The following PLEKHG7 variants were observed in gnomAD, a reference collection of about 807,000 sequenced individuals.
PLEKHG7 encodes the protein pleckstrin homology domain-containing family G member 7.
In PLEKHG7, 77 loss-of-function variants were observed where a neutral mutation model predicts 85.2. The ratio of observed to expected loss-of-function variants is 0.90; its 90% CI spans 0.75 to 1.09. The LOEUF is 1.09. Ranked by LOEUF, PLEKHG7 falls within the 50% of genes least tolerant of loss-of-function variation. The pLI is 0.00. For synonymous variants in PLEKHG7, 301 were observed against 302.4 expected (o/e 1.00, Z 0.05); for missense variants, 777 against 804.3 (o/e 0.97, Z 0.41).
At chr12:92,747,276 A>G (rs2136612420) in intron 10 of PLEKHG7, among the ~76,000 whole-genome samples, 1 of 151,142 alleles carries the variant, frequency 6.6e-6, no homozygotes, top group East Asian at 1.9e-4. Context: ...AAAAAATCTC[A>G]ACATCACTAA....
chr12:92,762,823 T>G (rs967212749), intron 14 of PLEKHG7, among the ~76,000 whole-genome samples: 1 of 152,198 alleles, frequency 6.6e-6, no homozygotes, highest in Non-Finnish European at 1.5e-5. Context: ...CTACATGGCA[T>G]GTTGGTTAGT....
At chr12:92,723,951 T>C (rs1871720659) in intron 3 of PLEKHG7, among the ~76,000 whole-genome samples, 1 of 152,202 alleles carries the variant, frequency 6.6e-6, no homozygotes, top group Non-Finnish European at 1.5e-5. Context: ...AAGCTCACAA[T>C]AGTCCATTTT....
intron 13 of PLEKHG7, among the ~76,000 whole-genome samples, chr12:92,759,329 G>A (rs996824795): frequency 2.6e-5 from 4 of 152,146 alleles, no homozygotes; most frequent in Non-Finnish European, 5.9e-5. Flanking sequence ...AAATAAAATA[G>A]TTGAAATTAG....
At chr12:92,717,505 A>C (rs1592674048) in intron 3 of PLEKHG7, among the ~76,000 whole-genome samples, 1 of 152,234 alleles carries the variant, frequency 6.6e-6, no homozygotes, top group Non-Finnish European at 1.5e-5. Flanking sequence ...TTTAATCCAC[A>C]AAGTGGAGAC....
At chr12:92,730,387 C>T (rs940329434) in intron 4 of PLEKHG7, among the ~76,000 whole-genome samples, 5 of 152,158 alleles carry the variant, frequency 3.3e-5, no homozygotes, top group South Asian at 2.1e-4. Context: ...AAGGCTGTCC[C>T]GAACTAGCAG....
Position 92,761,630 on chromosome 12 carries a change from GAAAGAAAGAAAGA to G in PLEKHG7, c.1637-119_1637-107del, listed in dbSNP as rs1428722761. On this transcript the variant is annotated intron_variant, in intron 13 of 16. Coordinates refer to ENST00000344636, the MANE Select transcript of PLEKHG7 (RefSeq NM_001377329.1). ...GAAAAAGAAAGAAAGAAAGAAGAAA[GAAAGAAAGAAAGA>G]AAGAAAGAAAGAAAGAAAGAAAGAA... 4.2e-3 allele frequency: 574 copies of G among 135,248 alleles called. 5 individuals carry two copies. In the African/African-American group the frequency reaches 0.049, roughly 11 times the overall value. 8.4% of individuals were successfully genotyped at this position (135,248 alleles called of 1,614,324 possible).
chr12:92,728,547 ATATACAC>A lies in PLEKHG7; in HGVS notation c.531-445_531-439del, dbSNP rs1191492799. Among the ~76,000 whole-genome samples, 783 of 149,896 alleles carry A rather than the reference ATATACAC, an allele frequency of 5.2e-3. 13 individuals carry two copies. Among genetic ancestry groups the A allele is most frequent in the African/African-American group, 0.018 (723 of 40,830 alleles). On this transcript the variant is annotated intron_variant, in intron 3 of 16. Transcript: ENST00000344636. Reference sequence around the variant, plus strand: ...TCCCATGGTGTATATATAAATATATATATACACCACATTCCATGGTGTGTGTATGTGT... The same window carrying A: ...TCCCATGGTGTATATATAAATATATACACATTCCATGGTGTGTGTATGTGT...
chr12:92,768,035 G>A (rs1193238960), intron 15 of PLEKHG7, among the ~76,000 whole-genome samples: 2 of 151,820 alleles, frequency 1.3e-5, no homozygotes, highest in African/African-American at 2.4e-5. Context: ...TGAAACCCCC[G>A]TCTCGACTAA....
At chr12:92,727,026 T>C (rs978685344) in intron 3 of PLEKHG7, among the ~76,000 whole-genome samples, 1 of 152,178 alleles carries the variant, frequency 6.6e-6, no homozygotes, top group Admixed American at 6.5e-5. Flanking sequence ...TGCATTTGCG[T>C]TGACATGTCT....
At chr12:92,732,444 G>A (rs1419736098) in intron 5 of PLEKHG7, among the ~76,000 whole-genome samples, 171 bp downstream of exon 5, 1 of 152,200 alleles carries the variant, frequency 6.6e-6, no homozygotes, top group African/African-American at 2.4e-5. Context: ...AACATGCCAA[G>A]TGGTGCCAAT....
chr12:92,757,327 T>A (rs1419636240), intron 13 of PLEKHG7, among the ~76,000 whole-genome samples: 3 of 152,236 alleles, frequency 2.0e-5, no homozygotes, highest in African/African-American at 7.2e-5. Flanking sequence ...AATAAGGTTT[T>A]AAATCATTTA....
At chr12:92,755,779 A>G (rs1371174990) in intron 11 of PLEKHG7, 46 bp from the exon 12 acceptor site, 3 of 1,246,326 alleles carry the variant, frequency 2.4e-6, no homozygotes, top group East Asian at 2.3e-5. Flanking sequence ...TTATACTGCA[A>G]TGTCATATGC....
chr12:92,749,903 TTTCA>T (rs1334096696), intron 10 of PLEKHG7, among the ~76,000 whole-genome samples: 14 of 132,412 alleles, frequency 1.1e-4, no homozygotes, highest in African/African-American at 4.0e-4. Flanking sequence ...TTTTATTTTA[TTTCA>T]TTTATTTTAT....
chr12:92,719,109 A>G (rs1207930830), intron 3 of PLEKHG7, among the ~76,000 whole-genome samples: 1 of 152,214 alleles, frequency 6.6e-6, no homozygotes. Context: ...TTGAATTGGA[A>G]ACCATAGTCG....
intron 9 of PLEKHG7, among the ~76,000 whole-genome samples, chr12:92,742,719 G>T (rs1260448658): frequency 1.3e-5 from 2 of 151,776 alleles, no homozygotes; most frequent in African/African-American, 4.8e-5. Flanking sequence ...CCAAGTAGCT[G>T]GGATTAAAAG....
intron 3 of PLEKHG7, among the ~76,000 whole-genome samples, chr12:92,724,151 T>C (rs539762510): frequency 5.1e-4 from 77 of 152,228 alleles, no homozygotes; most frequent in Non-Finnish European, 9.3e-4. Flanking sequence ...CAGCATTTTA[T>C]GTTATGTAAT....
intron 3 of PLEKHG7, among the ~76,000 whole-genome samples, chr12:92,724,924 A>G (rs1169797420): frequency 6.6e-6 from 1 of 152,128 alleles, no homozygotes; most frequent in Non-Finnish European, 1.5e-5. Context: ...TTGAGTTGGC[A>G]CATTATCTAT....
chr12:92,758,203 G>T (rs578108762), intron 13 of PLEKHG7, among the ~76,000 whole-genome samples: 3 of 152,140 alleles, frequency 2.0e-5, no homozygotes, highest in Non-Finnish European at 4.4e-5. Flanking sequence ...TGAGGCTTTG[G>T]TTCACTCCTT....
intron 8 of PLEKHG7, 103 bp from the exon 9 acceptor site, chr12:92,741,388 G>T: frequency 6.7e-6 from 4 of 597,130 alleles, no homozygotes; most frequent in Non-Finnish European, 1.1e-5. Context: ...AGATATATTT[G>T]AAATGGGAAA....
Sources: gnomAD v4.1 joint callset for allele counts (sites outside exome capture counted in the v4.1 genomes callset) on GRCh38, gnomAD v4.1.1 for gene constraint, MANE v1.5 for transcripts, NCBI Gene and HGNC (gene_info 2026-07-23, HGNC 2026-07-21) for gene names.